TRIQK: variants seen among roughly 807,000 people sequenced by gnomAD.
TRIQK encodes the protein triple QxxK/R motif containing.
In TRIQK, 10 loss-of-function variants were observed where a neutral mutation model predicts 10.8. That is an observed-to-expected ratio of 0.92 (90% CI 0.57 to 1.57). The LOEUF (loss-of-function observed/expected upper bound fraction) is 1.57. Ranked by LOEUF, TRIQK falls within the 40% of genes most tolerant of loss-of-function variation. TRIQK has a pLI of 0.00. For missense variants in TRIQK, 107 were observed against 97.7 expected (o/e 1.09, Z -0.40); for synonymous variants, 33 against 33.7 (o/e 0.98, Z 0.07).
At chr8:92,966,421 C>G (rs1162029776), upstream of TRIQK, among the ~76,000 whole-genome samples, 4 of 152,184 alleles carry the variant, frequency 2.6e-5, no homozygotes, top group African/African-American at 7.2e-5. Flanking sequence ...CCCCAATTCA[C>G]AGGATCATCC....
chr8:92,899,964 T>C (rs1808834347), intron 3 of TRIQK, among the ~76,000 whole-genome samples: 1 of 152,180 alleles, frequency 6.6e-6, no homozygotes, highest in African/African-American at 2.4e-5. Flanking sequence ...TGAGATGATA[T>C]TTCATTGTAT....
At chr8:93,012,328 T>G (rs1280437201) in intron 1 of TRIQK, among the ~76,000 whole-genome samples, 1 of 152,190 alleles carries the variant, frequency 6.6e-6, no homozygotes, top group Admixed American at 6.5e-5. Context: ...AGAAAATGTC[T>G]TTGTTGATGA....
intron 3 of TRIQK, among the ~76,000 whole-genome samples, chr8:92,898,999 C>CT (rs574697131): frequency 0.023 from 3,235 of 139,948 alleles, 68 homozygotes; most frequent in South Asian, 0.067. Context: ...GATTATACTA[C>CT]TTTTTTTTTT....
At chr8:93,002,505 C>CA (rs1490544428) in intron 1 of TRIQK, among the ~76,000 whole-genome samples, 1 of 151,858 alleles carries the variant, frequency 6.6e-6, no homozygotes, top group Non-Finnish European at 1.5e-5. Context: ...GATAACCTCG[C>CA]AAAAAATGAA....
At chr8:92,939,345 T>C (rs1811154901) in intron 2 of TRIQK, among the ~76,000 whole-genome samples, 1 of 152,130 alleles carries the variant, frequency 6.6e-6, no homozygotes, top group Non-Finnish European at 1.5e-5. Context: ...CAGAATTGTT[T>C]TATTTGTGAA....
intron 2 of TRIQK, chr8:92,929,387 T>C (rs1810597603): frequency 6.6e-6 from 1 of 152,188 alleles, no homozygotes; most frequent in Admixed American, 6.5e-5. Context: ...AACAAAGCAC[T>C]TGTTTTTCCC....
intron 2 of TRIQK, 22 bp from the exon 3 acceptor site, chr8:92,917,032 T>G: frequency 7.0e-7 from 1 of 1,438,230 alleles, no homozygotes; most frequent in Non-Finnish European, 9.1e-7. Context: ...ACAATTATAA[T>G]GAAAATTTTT....
chr8:92,995,772 T>A (rs1055365679), intron 1 of TRIQK, among the ~76,000 whole-genome samples: 1 of 152,120 alleles, frequency 6.6e-6, no homozygotes, highest in Admixed American at 6.6e-5. Flanking sequence ...AACACGGTTA[T>A]GTGTCACATC....
chr8:92,932,755 C>T (rs28548581), intron 2 of TRIQK, among the ~76,000 whole-genome samples: 33,198 of 151,730 alleles, frequency 0.22, 4,298 homozygotes, highest in African/African-American at 0.37. Context: ...TTCATATATG[C>T]GTTTATAGCA....
chr8:92,973,473 T>A (rs1243932733), intron 1 of TRIQK: 1 of 152,244 alleles, frequency 6.6e-6, no homozygotes, highest in African/African-American at 2.4e-5. Flanking sequence ...TTCTGTCTTA[T>A]GCCTTTGATG....
intron 3 of TRIQK, among the ~76,000 whole-genome samples, chr8:92,897,922 G>T (rs1351637108): frequency 6.6e-6 from 1 of 151,910 alleles, no homozygotes; most frequent in African/African-American, 2.4e-5. Flanking sequence ...TCCACCAAGA[G>T]GTAAGAGATT....
intron 2 of TRIQK, among the ~76,000 whole-genome samples, chr8:92,949,786 GAA>G (rs1554605422): frequency 9.5e-5 from 1 of 10,532 alleles, no homozygotes; most frequent in African/African-American, 3.3e-4. Flanking sequence ...GAAAGAAAAA[GAA>G]AGAAAGAAAG....
intron 1 of TRIQK, among the ~76,000 whole-genome samples, chr8:92,990,684 T>A (rs1813086989): frequency 6.6e-6 from 1 of 152,108 alleles, no homozygotes; most frequent in Non-Finnish European, 1.5e-5. Context: ...AAGGAAAGCC[T>A]TGAGGGACTG....
In TRIQK at chr8:92,918,583, G is replaced by C. The variant is rs1409595501; in HGVS notation, c.-21-1573C>G. ...TTTAATTGAATTGTGTTTTGCTATT[G>C]AGTTGTTTGAGCTCCTTATATATTC... On this transcript the variant is annotated intron_variant, in intron 2 of 4. Coordinates refer to ENST00000521988, the MANE Select transcript of TRIQK (RefSeq NM_001171797.2). Among the ~76,000 whole-genome samples, 4 of 151,766 alleles carry C rather than the reference G, an allele frequency of 2.6e-5. No homozygotes were observed. The East Asian group carries it at 5.8e-4, about 22-fold the overall frequency.
At chr8:92,977,081 G>T (rs1481021291) in intron 1 of TRIQK, among the ~76,000 whole-genome samples, 1 of 151,824 alleles carries the variant, frequency 6.6e-6, no homozygotes, top group Non-Finnish European at 1.5e-5. Context: ...AGTGCTCTTT[G>T]TTCCTTTGTG....
At chr8:92,890,881 TTTTTAAAAAG>T (rs776591205) in intron 4 of TRIQK, among the ~76,000 whole-genome samples, 24 of 151,942 alleles carry the variant, frequency 1.6e-4, no homozygotes, top group Middle Eastern at 3.4e-3. Flanking sequence ...TCAACACTGC[TTTTTAAAAAG>T]TCACGTCATA....
At chr8:92,955,485 G>A (rs186848445) in intron 1 of TRIQK, among the ~76,000 whole-genome samples, 3 of 151,674 alleles carry the variant, frequency 2.0e-5, no homozygotes, top group East Asian at 1.9e-4. Flanking sequence ...AAAGGAAATC[G>A]TAGGAATAAA....
chr8:92,887,449 T>C (rs925628059), intron 4 of TRIQK, among the ~76,000 whole-genome samples: 1 of 151,544 alleles, frequency 6.6e-6, no homozygotes, highest in Admixed American at 6.6e-5. Context: ...TGATAAAAAA[T>C]TTACTCATAT....
intron 1 of TRIQK, among the ~76,000 whole-genome samples, chr8:93,016,664 G>A (rs1010599349): frequency 6.6e-6 from 1 of 152,112 alleles, no homozygotes; most frequent in Non-Finnish European, 1.5e-5. Flanking sequence ...GATGAGAGAA[G>A]GCTTTATGAA....
Sources: allele counts gnomAD v4.1 joint callset (sites outside exome capture counted in the v4.1 genomes callset), GRCh38; gene constraint gnomAD v4.1.1; transcripts MANE v1.5; gene names NCBI Gene and HGNC (gene_info 2026-07-23, HGNC 2026-07-21).